C8orf74: variants seen among roughly 807,000 people sequenced by gnomAD.
C8orf74 encodes uncharacterized protein C8orf74.
In C8orf74, 29 loss-of-function variants were observed where a neutral mutation model predicts 22.2. The ratio of observed to expected loss-of-function variants is 1.31; its 90% CI spans 0.97 to 1.78. The LOEUF (loss-of-function observed/expected upper bound fraction) is 1.78, where lower values mean the gene tolerates loss of function less well. Among genes scored for constraint, C8orf74 ranks in the 40% most tolerant of loss-of-function variants. The pLI, the probability that C8orf74 is intolerant of heterozygous loss-of-function variation, is 0.00. For synonymous variants in C8orf74, 255 were observed against 163.1 expected (o/e 1.56, Z -4.30); for missense variants, 515 against 369.9 (o/e 1.39, Z -3.22).
chr8:10,682,869 G>T (rs971158464), intron 2 of C8orf74, among the ~76,000 whole-genome samples: 3 of 152,230 alleles, frequency 2.0e-5, no homozygotes, highest in African/African-American at 4.8e-5. Flanking sequence ...CATGTGCTTG[G>T]CCTTTAACAC....
At chr8:10,674,579 G>C in intron 1 of C8orf74, 67 bp from the exon 2 acceptor site, 1 of 942,412 alleles carries the variant, frequency 1.1e-6, no homozygotes, top group East Asian at 4.6e-5. Context: ...ATCACACCCC[G>C]TAGCCCCTAT....
At chr8:10,677,954 G>A (rs757458836) in intron 2 of C8orf74, among the ~76,000 whole-genome samples, 1 of 152,174 alleles carries the variant, frequency 6.6e-6, no homozygotes, top group Non-Finnish European at 1.5e-5. Flanking sequence ...ATACCACCTC[G>A]TTCAGACTGG....
intron 1 of C8orf74, chr8:10,673,840 C>T (rs1010174937): frequency 6.6e-6 from 1 of 152,078 alleles, no homozygotes; most frequent in East Asian, 1.9e-4. Context: ...GATGGCTTCT[C>T]AACTCCTCAA....
intron 2 of C8orf74, chr8:10,675,541 T>G (rs1225721360): frequency 6.6e-6 from 1 of 152,208 alleles, no homozygotes; most frequent in Non-Finnish European, 1.5e-5. Context: ...CCATGCTTTC[T>G]AAGAACCTCT....
In C8orf74 at chr8:10,700,510, C is replaced by A. The variant is rs1249910166; in HGVS notation, c.*39C>A. On this transcript the variant is annotated 3_prime_UTR_variant, in exon 4 of 4. Transcript: ENST00000304519. The stretch of plus-strand genomic sequence containing the variant: ...CCACACGAGACTGACTGGGGACCAG[C>A]CACCCATAACCATGAGCCTTGCGGC... 2 of 1,322,536 alleles carry A rather than the reference C, an allele frequency of 1.5e-6. No homozygotes were observed. Among genetic ancestry groups the A allele is most frequent in the African/African-American group, 1.5e-5 (1 of 67,300 alleles). The allele number at this position is 1,322,536 out of a possible 1,614,324, so 81.9% of individuals were successfully genotyped here.
chr8:10,684,574 T>C (rs1236301395), intron 2 of C8orf74, among the ~76,000 whole-genome samples: 3 of 152,240 alleles, frequency 2.0e-5, no homozygotes, highest in Non-Finnish European at 2.9e-5. Context: ...TATTGGTTTA[T>C]AGTAGTCCCC....
At chr8:10,684,166 G>C (rs895225100) in intron 2 of C8orf74, among the ~76,000 whole-genome samples, 2 of 152,184 alleles carry the variant, frequency 1.3e-5, no homozygotes, top group African/African-American at 4.8e-5. Context: ...TGGGTGGATG[G>C]GTACTGCTGT....
At chr8:10,698,255 G>A (rs901374797) in intron 3 of C8orf74, among the ~76,000 whole-genome samples, 2 of 152,208 alleles carry the variant, frequency 1.3e-5, no homozygotes, top group Non-Finnish European at 2.9e-5. Flanking sequence ...CTAGCATATG[G>A]TAGAGTTCAC....
intron 2 of C8orf74, among the ~76,000 whole-genome samples, chr8:10,681,938 A>T (rs1175542890): frequency 6.6e-6 from 1 of 152,154 alleles, no homozygotes; most frequent in Non-Finnish European, 1.5e-5. Context: ...TAGGATGGGA[A>T]GGCAGACACC....
intron 2 of C8orf74, among the ~76,000 whole-genome samples, chr8:10,683,864 C>T (rs750184082): frequency 4.6e-5 from 7 of 152,310 alleles, no homozygotes; most frequent in African/African-American, 7.2e-5. Flanking sequence ...AGTGAGCGGC[C>T]GGTGCTTCTG....
At chr8:10,674,311 C>T (rs1409108607) in intron 1 of C8orf74, among the ~76,000 whole-genome samples, 5 of 107,934 alleles carry the variant, frequency 4.6e-5, no homozygotes, top group South Asian at 8.5e-4. Context: ...ACCCTGTAGC[C>T]CCCATATCAT....
intron 2 of C8orf74, among the ~76,000 whole-genome samples, chr8:10,682,055 C>T (rs1041206274): frequency 2.6e-5 from 4 of 152,202 alleles, no homozygotes; most frequent in Non-Finnish European, 5.9e-5. Context: ...GCCCGGCAGC[C>T]CTGAAGTACC....
At chr8:10,682,360 G>A (rs1440171461) in intron 2 of C8orf74, among the ~76,000 whole-genome samples, 1 of 152,220 alleles carries the variant, frequency 6.6e-6, no homozygotes, top group Non-Finnish European at 1.5e-5. Context: ...TTGCTGCACA[G>A]AACCATGGAC....
intron 3 of C8orf74, among the ~76,000 whole-genome samples, chr8:10,698,902 CACACACACACACA>C: frequency 4.6e-4 from 1 of 2,188 alleles, no homozygotes; most frequent in South Asian, 7.8e-3. Context: ...ACACACACAC[CACACACACACACA>C]CACACACACA....
chr8:10,679,142 G>T (rs770264342), intron 2 of C8orf74, among the ~76,000 whole-genome samples: 1 of 152,082 alleles, frequency 6.6e-6, no homozygotes, highest in Non-Finnish European at 1.5e-5. Context: ...CAGGTCACTC[G>T]TCTGTAAATG....
intron 3 of C8orf74, among the ~76,000 whole-genome samples, chr8:10,699,106 C>A (rs1329395624): frequency 6.6e-6 from 1 of 152,190 alleles, no homozygotes; most frequent in Non-Finnish European, 1.5e-5. Context: ...GTCTCTGGCC[C>A]CCTGCAGGGA....
Position 10,674,666 on chromosome 8 carries a change from C to T in C8orf74, c.69C>T (p.Arg23=). 1 of 1,609,420 alleles carries T rather than the reference C, an allele frequency of 6.2e-7. No individual in the cohort carries two copies. Among genetic ancestry groups the T allele is most frequent in the East Asian group, 2.2e-5 (1 of 44,722 alleles). Residue 23 remains arginine (R), a synonymous_variant, in exon 2 of 4, where the codon CGC becomes CGT. Transcript: ENST00000304519. ...FQLQRPQGRE[R]LRRLLNWEEF... ...TGCAGAGACCACAAGGTCGGGAGCG[C>T]CTGCGGAGGCTTCTGAACTGGGAGG...
intron 2 of C8orf74, chr8:10,689,024 T>A (rs1799319820): frequency 1.3e-5 from 2 of 152,418 alleles, no homozygotes; most frequent in Non-Finnish European, 2.9e-5. Flanking sequence ...CCAGTCTCCT[T>A]CCCTGGCTCC....
Position 10,698,139 on chromosome 8 carries a change from T to C in C8orf74, c.648+134T>C, listed in dbSNP as rs144327472. 6.7e-6 allele frequency: 6 copies of C among 890,582 alleles called. No individual in the cohort carries two copies. The African/African-American group carries it at 1.0e-4, about 15-fold the overall frequency. 55.2% of individuals were successfully genotyped at this position (890,582 alleles called of 1,614,324 possible). A position where few individuals can be genotyped will look rare whatever the true frequency, so the allele number is the denominator to read the frequency against. On this transcript the variant is annotated intron_variant, in intron 3 of 3. Transcript: ENST00000304519. ...GAGAGATGCAGGGAGGAATCAAGAG[T>C]CTACCACGAGCTTCGCGGTAGACTA...
Sources: gnomAD v4.1 joint callset for allele counts (sites outside exome capture counted in the v4.1 genomes callset) on GRCh38, gnomAD v4.1.1 for gene constraint, MANE v1.5 for transcripts, NCBI Gene and HGNC (gene_info 2026-07-23, HGNC 2026-07-21) for gene names.